The following NLGN1 variants were observed in gnomAD, a reference collection of about 807,000 sequenced individuals.
NLGN1 encodes the protein neuroligin-1.
NLGN1 carries 12 observed loss-of-function variants against 65.5 expected under a neutral mutation model. That is an observed-to-expected ratio of 0.18 (90% confidence interval 0.12 to 0.30). NLGN1 has a LOEUF of 0.30. Ranked by LOEUF, NLGN1 falls within the 10% of genes least tolerant of loss-of-function variation. The pLI is 1.00. For missense variants in NLGN1, 750 were observed against 1,007.1 expected (o/e 0.74, Z 3.46); for synonymous variants, 350 against 359.5 (o/e 0.97, Z 0.30).
At chr3:174,253,961 G>A (rs1439115196) in intron 4 of NLGN1, among the ~76,000 whole-genome samples, 1 of 152,192 alleles carries the variant, frequency 6.6e-6, no homozygotes, top group African/African-American at 2.4e-5. Context: ...CCAGAGGATT[G>A]CGGAAGCCAA....
chr3:173,861,179 A>G (rs975721848), intron 4 of NLGN1, among the ~76,000 whole-genome samples: 1 of 152,206 alleles, frequency 6.6e-6, no homozygotes, highest in Non-Finnish European at 1.5e-5. Flanking sequence ...ACTTGATGAC[A>G]TAAAAACAAT....
chr3:173,939,396 T>A (rs1745588744), intron 4 of NLGN1, among the ~76,000 whole-genome samples: 1 of 152,194 alleles, frequency 6.6e-6, no homozygotes, highest in South Asian at 2.1e-4. Flanking sequence ...TCTCGTGGGT[T>A]AAAATCATTC....
intron 4 of NLGN1, among the ~76,000 whole-genome samples, chr3:174,104,850 G>A (rs1028006315): frequency 6.6e-6 from 1 of 152,044 alleles, no homozygotes; most frequent in African/African-American, 2.4e-5. Context: ...TAGGAAACAG[G>A]AATTTAGGGT....
chr3:174,094,746 T>A (rs1035940876), intron 4 of NLGN1, among the ~76,000 whole-genome samples: 57 of 88,894 alleles, frequency 6.4e-4, no homozygotes, highest in Admixed American at 1.1e-3. Flanking sequence ...TTGGCTCCGC[T>A]AAAAAAAAAA....
At chr3:174,023,675 T>C (rs764266592) in intron 4 of NLGN1, among the ~76,000 whole-genome samples, 3 of 152,028 alleles carry the variant, frequency 2.0e-5, no homozygotes, top group Non-Finnish European at 4.4e-5. Flanking sequence ...CTTTGAGTGG[T>C]TGGAGCGCTG....
intron 4 of NLGN1, among the ~76,000 whole-genome samples, chr3:174,232,848 A>G (rs1740981011): frequency 6.6e-6 from 1 of 152,232 alleles, no homozygotes; most frequent in African/African-American, 2.4e-5. Flanking sequence ...CCGACTCTCA[A>G]AAGAGAAAGG....
At chr3:173,883,814 C>CT (rs74363696) in intron 4 of NLGN1, among the ~76,000 whole-genome samples, 26,017 of 96,546 alleles carry the variant, frequency 0.27, 3,110 homozygotes, top group East Asian at 0.47. Flanking sequence ...GGGAAACTTT[C>CT]TTTTTTTTTT....
intron 2 of NLGN1, among the ~76,000 whole-genome samples, chr3:173,458,650 C>T (rs995493519): frequency 6.6e-6 from 1 of 152,058 alleles, no homozygotes; most frequent in Admixed American, 6.6e-5. Context: ...ATCACCCACT[C>T]TCTAATCCAC....
At chr3:173,836,040 A>G (rs920972190) in intron 4 of NLGN1, among the ~76,000 whole-genome samples, 1 of 152,192 alleles carries the variant, frequency 6.6e-6, no homozygotes, top group Non-Finnish European at 1.5e-5. Context: ...AGCTCCACTG[A>G]TAGTTATTGC....
intron 4 of NLGN1, among the ~76,000 whole-genome samples, chr3:174,004,748 C>T (rs1231435738): frequency 1.3e-5 from 2 of 152,032 alleles, no homozygotes; most frequent in African/African-American, 4.8e-5. Flanking sequence ...GTAAAAGCAT[C>T]AGATTAGCAT....
chr3:173,619,916 A>C (rs1249951601), intron 3 of NLGN1, among the ~76,000 whole-genome samples: 4 of 152,200 alleles, frequency 2.6e-5, no homozygotes, highest in Non-Finnish European at 5.9e-5. Flanking sequence ...GAAGTGGCCC[A>C]TCCACTGAGC....
intron 4 of NLGN1, among the ~76,000 whole-genome samples, chr3:174,124,584 C>T (rs1185167797): frequency 2.5e-5 from 2 of 79,382 alleles, no homozygotes; most frequent in Non-Finnish European, 4.4e-5. Context: ...CACATATATA[C>T]GTATATATAC....
intron 4 of NLGN1, among the ~76,000 whole-genome samples, chr3:174,140,971 T>G (rs986703024): frequency 6.6e-6 from 1 of 152,140 alleles, no homozygotes; most frequent in Non-Finnish European, 1.5e-5. Flanking sequence ...GTATTATCAT[T>G]TGTTATTTCT....
chr3:174,027,384 C>T (rs776930266), intron 4 of NLGN1, among the ~76,000 whole-genome samples: 1 of 152,060 alleles, frequency 6.6e-6, no homozygotes, highest in Non-Finnish European at 1.5e-5. Context: ...CCATTTTGAG[C>T]TCTGGAACTC....
At position 174,280,977 on chromosome 3, in the gene NLGN1, C is replaced by T. The variant is rs1466970348; in HGVS notation, c.2146C>T (p.Arg716Cys). 14 of 1,613,224 alleles carry T rather than the reference C, an allele frequency of 8.7e-6. No homozygotes were observed. Among genetic ancestry groups the T allele is most frequent in the African/African-American group, 5.3e-5 (4 of 74,836 alleles). ...TGTTCACAGGAGATGCAGCCCTCAG[C>T]GCACTACTACCAATGATCTAACCCA... Residue 716 changes from arginine (R) to cysteine (C), a missense_variant, in exon 7 of 7, where the codon CGC (arginine) becomes TGC (cysteine). Coordinates refer to ENST00000457714, the Ensembl canonical transcript of NLGN1. The surrounding 1 kb of genome is among the most constrained non-coding windows in gnomAD (Gnocchi z 4.9).
intron 4 of NLGN1, among the ~76,000 whole-genome samples, chr3:174,259,157 T>A (rs1251164888): frequency 6.6e-6 from 1 of 152,188 alleles, no homozygotes; most frequent in Non-Finnish European, 1.5e-5. Context: ...TAATCTAGTC[T>A]AGCCAACATT....
At chr3:174,108,970 A>G (rs974581680) in intron 4 of NLGN1, among the ~76,000 whole-genome samples, 4 of 152,240 alleles carry the variant, frequency 2.6e-5, no homozygotes, top group African/African-American at 4.8e-5. Flanking sequence ...ACACACATAT[A>G]TAACAGGTTT....
At chr3:173,673,485 T>G (rs2149746153) in intron 3 of NLGN1, among the ~76,000 whole-genome samples, 1 of 152,290 alleles carries the variant, frequency 6.6e-6, no homozygotes, top group African/African-American at 2.4e-5. Flanking sequence ...ACTGGTCTGG[T>G]TTGCAAGGTC....
At chr3:174,003,073 G>C (rs1234681111) in intron 4 of NLGN1, among the ~76,000 whole-genome samples, 2 of 152,032 alleles carry the variant, frequency 1.3e-5, no homozygotes, top group Non-Finnish European at 2.9e-5. Flanking sequence ...GTGGCAATGA[G>C]TTAACTAGAA....
Sources: allele counts gnomAD v4.1 joint callset (sites outside exome capture counted in the v4.1 genomes callset), GRCh38; gene constraint gnomAD v4.1.1; non-coding constraint Gnocchi (gnomAD v3.1); transcripts MANE v1.5; gene names NCBI Gene and HGNC (gene_info 2026-07-23, HGNC 2026-07-21).